The following RANBP2 variants were observed in gnomAD, a reference collection of about 807,000 sequenced individuals.
RANBP2 encodes the protein RAN binding protein 2, also known as E3 SUMO-protein ligase RanBP2.
In RANBP2, 57 loss-of-function variants were observed where a neutral mutation model predicts 303.6. The ratio of observed to expected loss-of-function variants is 0.19; its 90% CI spans 0.15 to 0.23. The LOEUF (loss-of-function observed/expected upper bound fraction) is 0.23, where lower values mean the gene tolerates loss of function less well. Ranked by LOEUF, RANBP2 falls within the 10% of genes least tolerant of loss-of-function variation. The pLI, the probability that RANBP2 is intolerant of heterozygous loss-of-function variation, is 1.00. For synonymous variants in RANBP2, 1,167 were observed against 1,301.5 expected (o/e 0.90, Z 2.23); for missense variants, 3,138 against 3,780.8 (o/e 0.83, Z 4.46).
the RANBP2 span, among the ~76,000 whole-genome samples, chr2:109,670,416 A>T: frequency 6.7e-6 from 1 of 150,262 alleles, no homozygotes; most frequent in South Asian, 2.1e-4. Flanking sequence ...TACCCACAGC[A>T]GCTCATCGGG....
At chr2:109,574,696 C>T in the RANBP2 span, 40 of 1,607,882 alleles carry the variant, frequency 2.5e-5, no homozygotes, top group South Asian at 1.0e-4. Flanking sequence ...AAAGAGAGAA[C>T]GCTTAATCTT....
chr2:109,078,570 A>AG, the RANBP2 span, among the ~76,000 whole-genome samples: 236 of 149,412 alleles, frequency 1.6e-3, 17 homozygotes, highest in Non-Finnish European at 2.5e-3. Context: ...TCAGTTATGT[A>AG]GGGTGGATAA....
At chr2:109,129,657 C>G in the RANBP2 span, 17 of 1,505,920 alleles carry the variant, frequency 1.1e-5, no homozygotes, top group Non-Finnish European at 1.4e-5. Context: ...CGGCCACCGC[C>G]GCGGGGGCGG....
the RANBP2 span, among the ~76,000 whole-genome samples, chr2:108,823,564 A>T: frequency 6.6e-6 from 1 of 152,224 alleles, no homozygotes; most frequent in East Asian, 1.9e-4. Context: ...TGTTGTTCCT[A>T]GGCTGTGATC....
chr2:109,091,325 C>T, the RANBP2 span, among the ~76,000 whole-genome samples: 2 of 152,146 alleles, frequency 1.3e-5, no homozygotes, highest in Non-Finnish European at 2.9e-5. Flanking sequence ...GGTGTCCTCT[C>T]CTTTTACATT....
At chr2:109,091,144 T>G in the RANBP2 span, among the ~76,000 whole-genome samples, 2 of 152,120 alleles carry the variant, frequency 1.3e-5, no homozygotes, top group African/African-American at 4.8e-5. Context: ...GCGGGAGGAT[T>G]GCTTGAGCCT....
chr2:109,583,807 T>A, the RANBP2 span, among the ~76,000 whole-genome samples: 2,934 of 152,152 alleles, frequency 0.019, 98 homozygotes, highest in African/African-American at 0.068. Flanking sequence ...TACACAGCCA[T>A]AAAAAAGAAC....
the RANBP2 span, among the ~76,000 whole-genome samples, chr2:109,418,779 G>T: frequency 2.6e-5 from 4 of 152,328 alleles, no homozygotes; most frequent in East Asian, 7.7e-4. Flanking sequence ...TGAACAGGAA[G>T]ACAGGACACT....
At chr2:109,003,541 G>T in the RANBP2 span, among the ~76,000 whole-genome samples, 1 of 151,934 alleles carries the variant, frequency 6.6e-6, no homozygotes, top group Non-Finnish European at 1.5e-5. Flanking sequence ...CTCCCAAGTA[G>T]CTGGGATTAC....
chr2:109,022,798 C>T, the RANBP2 span, among the ~76,000 whole-genome samples: 2 of 152,166 alleles, frequency 1.3e-5, no homozygotes, highest in African/African-American at 4.8e-5. Context: ...CGCATGTAAT[C>T]CCAGCACTTT....
At chr2:108,756,845 T>C (rs1393706863) in intron 17 of RANBP2, among the ~76,000 whole-genome samples, 1 of 152,182 alleles carries the variant, frequency 6.6e-6, no homozygotes, top group African/African-American at 2.4e-5. Flanking sequence ...GTTACAGCAG[T>C]GATTGCAAAT....
At chr2:109,362,690 A>G in the RANBP2 span, among the ~76,000 whole-genome samples, 1 of 152,138 alleles carries the variant, frequency 6.6e-6, no homozygotes, top group Non-Finnish European at 1.5e-5. Flanking sequence ...CTCCAGCTGT[A>G]ATACTGGATT....
the RANBP2 span, among the ~76,000 whole-genome samples, chr2:109,599,661 A>C: frequency 6.6e-6 from 1 of 152,108 alleles, no homozygotes; most frequent in Non-Finnish European, 1.5e-5. Context: ...CAAAAGTTAA[A>C]GGATAACTGC....
chr2:108,853,976 A>AATATATAATAAATTTATATT, the RANBP2 span, among the ~76,000 whole-genome samples: 2 of 90,816 alleles, frequency 2.2e-5, no homozygotes, highest in African/African-American at 4.3e-5. Flanking sequence ...AAATATATAT[A>AATATATAATAAATTTATATT]ATATATAATA....
chr2:109,103,957 C>A, the RANBP2 span, among the ~76,000 whole-genome samples: 2 of 151,968 alleles, frequency 1.3e-5, no homozygotes, highest in African/African-American at 4.8e-5. Flanking sequence ...CCACACCCAG[C>A]TGATTTTTTG....
At chr2:109,606,672 C>CTTT in the RANBP2 span, among the ~76,000 whole-genome samples, 1,687 of 71,922 alleles carry the variant, frequency 0.023, 198 homozygotes, top group African/African-American at 0.067. Context: ...AAATTTTAAG[C>CTTT]TTTTTTTTTT....
At chr2:109,051,962 A>G in the RANBP2 span, among the ~76,000 whole-genome samples, 31 of 152,010 alleles carry the variant, frequency 2.0e-4, no homozygotes, top group African/African-American at 7.2e-4. Context: ...GTTAGCCAGG[A>G]TGGTCTCGAT....
chr2:109,565,901 T>C, the RANBP2 span: 15 of 1,467,156 alleles, frequency 1.0e-5, no homozygotes, highest in Admixed American at 3.4e-5. Flanking sequence ...ACCACTGTGA[T>C]AACTGACTAG....
the RANBP2 span, among the ~76,000 whole-genome samples, chr2:108,976,359 T>C: frequency 6.6e-6 from 1 of 152,222 alleles, no homozygotes; most frequent in Admixed American, 6.5e-5. Flanking sequence ...ACAGAGGCAA[T>C]GTGCCATTCT....
Sources: allele counts gnomAD v4.1 joint callset (sites outside exome capture counted in the v4.1 genomes callset), GRCh38; gene constraint gnomAD v4.1.1; transcripts MANE v1.5; gene names NCBI Gene and HGNC (gene_info 2026-07-23, HGNC 2026-07-21).